MPP7: variants seen among roughly 807,000 people sequenced by gnomAD.
The protein encoded by MPP7 is MAGUK p55 subfamily member 7.
In MPP7, 60 loss-of-function variants were observed where a neutral mutation model predicts 76.5. The ratio of observed to expected loss-of-function variants is 0.78; its 90% CI spans 0.64 to 0.97. MPP7 has a LOEUF of 0.97. MPP7 is among the 50% of genes least tolerant of loss of function. MPP7 has a pLI of 0.00. For missense variants in MPP7, 641 were observed against 694.0 expected, an observed-to-expected ratio of 0.92 and a Z score of 0.86; for synonymous variants, 237 against 244.5, an observed-to-expected ratio of 0.97 and a Z score of 0.29.
intron 1 of MPP7, among the ~76,000 whole-genome samples, chr10:28,251,333 A>C (rs1260399591): frequency 6.6e-6 from 1 of 151,984 alleles, no homozygotes; most frequent in Non-Finnish European, 1.5e-5. Flanking sequence ...GGTGTGGTAC[A>C]TGCCTGTAGT....
intron 8 of MPP7, among the ~76,000 whole-genome samples, chr10:28,121,935 T>C (rs1460970423): frequency 6.6e-6 from 1 of 152,168 alleles, no homozygotes; most frequent in Non-Finnish European, 1.5e-5. Flanking sequence ...AAATGGTGCA[T>C]CACACAGTCA....
intron 1 of MPP7, among the ~76,000 whole-genome samples, chr10:28,239,006 G>A (rs775298463): frequency 6.6e-6 from 1 of 152,172 alleles, no homozygotes; most frequent in Non-Finnish European, 1.5e-5. Flanking sequence ...GATTGGATAC[G>A]TGGATAATTT....
chr10:28,191,342 G>A lies in MPP7; in HGVS notation c.156+10811C>T, dbSNP rs535209816. Among the ~76,000 whole-genome samples the A allele has an allele frequency of 4.6e-5, 7 of 152,184 alleles. No individual in the cohort carries two copies. The South Asian group carries it at 1.5e-3, about 32-fold the overall frequency. ...ACCAGATAAAGACATGACAAGGAAG[G>A]AGAATTACAGCCTAACCGTACTTAC... On this transcript the variant is annotated intron_variant, in intron 3 of 16. Coordinates refer to ENST00000683449, the MANE Select transcript of MPP7 (RefSeq NM_001318170.2).
In MPP7 at chr10:28,300,905, G is replaced by A. The variant is rs1841139417; in HGVS notation, c.-132+1956C>T. Among the ~76,000 whole-genome samples the A allele has an allele frequency of 2.0e-5, 3 of 150,152 alleles. No homozygotes were observed. The South Asian group carries it at 6.3e-4, about 31-fold the overall frequency. ...ACCAGGGAGGCAGAGATCACAGTGA[G>A]CCACAGCACTCCAGCCTGGACAACA... On this transcript the variant is annotated intron_variant, in intron 1 of 16. Transcript: ENST00000683449.
At chr10:28,240,133 C>A (rs570846339) in intron 1 of MPP7, among the ~76,000 whole-genome samples, 1 of 152,220 alleles carries the variant, frequency 6.6e-6, no homozygotes, top group East Asian at 1.9e-4. Flanking sequence ...AAGAACCATA[C>A]ACTGTGTTTT....
In MPP7 at chr10:28,081,365, A is replaced by G. The variant is rs771927550; in HGVS notation, c.1123+8306T>C. ...TTCAAAAAGTTGGGTTTCACTGAAG[A>G]TAAGACTTGTCATGTAGGAAAATGT... is the stretch of plus-strand genomic sequence containing the variant. On this transcript the variant is annotated intron_variant, in intron 12 of 16. Transcript: ENST00000683449. 2.6e-5 allele frequency among the ~76,000 whole-genome samples: 4 copies of G among 152,220 alleles called. No homozygotes were observed. The South Asian group carries it at 8.3e-4, about 32-fold the overall frequency.
At chr10:28,077,555 T>C (rs1852554514) in intron 12 of MPP7, among the ~76,000 whole-genome samples, 1 of 152,182 alleles carries the variant, frequency 6.6e-6, no homozygotes, top group African/African-American at 2.4e-5. Context: ...ATCCTCTTTC[T>C]AGGGTTAGGC....
intron 3 of MPP7, among the ~76,000 whole-genome samples, chr10:28,198,540 A>G (rs1308087623): frequency 6.6e-6 from 1 of 150,780 alleles, no homozygotes; most frequent in African/African-American, 2.4e-5. Flanking sequence ...GCACCATTAC[A>G]CTCCAGCCTG....
At chr10:28,265,796 T>C (rs1448638650) in intron 1 of MPP7, among the ~76,000 whole-genome samples, 2 of 152,158 alleles carry the variant, frequency 1.3e-5, no homozygotes, top group Admixed American at 6.5e-5. Context: ...GCAGAGTAAG[T>C]GCAGAGGAAA....
At position 28,167,240 on chromosome 10, in the gene MPP7, G is replaced by A. The variant is rs549089185; in HGVS notation, c.157-17181C>T. Among the ~76,000 whole-genome samples, 256 of 152,176 alleles carry A rather than the reference G, an allele frequency of 1.7e-3. 1 individual carries two copies. The highest frequency in any genetic ancestry group is 5.9e-3 in the African/African-American group (243 of 41,536). On this transcript the variant is annotated intron_variant, in intron 3 of 16. Coordinates refer to ENST00000683449, the MANE Select transcript of MPP7 (RefSeq NM_001318170.2). ...GCACAAGAATCACTTGAACCCAGGA[G>A]GTGGAGGTTGCAGTGAGCCGAGACG...
intron 3 of MPP7, among the ~76,000 whole-genome samples, chr10:28,177,947 G>A (rs1836931217): frequency 6.6e-6 from 1 of 152,110 alleles, no homozygotes; most frequent in Non-Finnish European, 1.5e-5. Flanking sequence ...GGCCCAGGCA[G>A]CAGATTCCAG....
intron 13 of MPP7, among the ~76,000 whole-genome samples, chr10:28,062,298 A>G (rs750661381): frequency 2.0e-5 from 3 of 152,170 alleles, no homozygotes; most frequent in Admixed American, 6.5e-5. Flanking sequence ...TTAAACTGCA[A>G]GCAGGTCATG....
chr10:28,166,131 T>C (rs1836448205), intron 3 of MPP7, among the ~76,000 whole-genome samples: 2 of 151,556 alleles, frequency 1.3e-5, no homozygotes, highest in South Asian at 2.1e-4. Context: ...CTTAACTACA[T>C]AACATCCTTA....
chr10:28,252,949 C>A (rs11006951), intron 1 of MPP7, among the ~76,000 whole-genome samples: 12,859 of 151,852 alleles, frequency 0.085, 694 homozygotes, highest in Non-Finnish European at 0.12. Context: ...ACTGTGTCAC[C>A]CAGGCTGGCA....
At chr10:28,240,450 C>T (rs913141600) in intron 1 of MPP7, among the ~76,000 whole-genome samples, 16 of 152,068 alleles carry the variant, frequency 1.1e-4, no homozygotes, top group Admixed American at 9.2e-4. Context: ...TTATTTTAGA[C>T]CAGACTATCT....
intron 2 of MPP7, among the ~76,000 whole-genome samples, chr10:28,233,386 T>C (rs2134119501): frequency 6.6e-6 from 1 of 152,272 alleles, no homozygotes; most frequent in South Asian, 2.1e-4. Flanking sequence ...TACACTTCTT[T>C]GCTTTGTCAG....
At chr10:28,276,529 C>G (rs1282790507) in intron 1 of MPP7, among the ~76,000 whole-genome samples, 1 of 151,968 alleles carries the variant, frequency 6.6e-6, no homozygotes, top group Non-Finnish European at 1.5e-5. Context: ...TAAAGACAAA[C>G]AGAACACTAT....
intron 2 of MPP7, among the ~76,000 whole-genome samples, chr10:28,214,837 T>C (rs893982852): frequency 1.3e-5 from 2 of 152,082 alleles, no homozygotes; most frequent in Non-Finnish European, 2.9e-5. Flanking sequence ...ACTAACAAAT[T>C]AGCTACAAGA....
intron 11 of MPP7, among the ~76,000 whole-genome samples, chr10:28,108,681 A>T (rs1302460055): frequency 3.6e-5 from 5 of 137,466 alleles, no homozygotes; most frequent in Non-Finnish European, 6.0e-5. Flanking sequence ...AATAAAATAA[A>T]ATAATATAAA....
Sources: allele counts gnomAD v4.1 joint callset (sites outside exome capture counted in the v4.1 genomes callset), GRCh38; gene constraint gnomAD v4.1.1; transcripts MANE v1.5; gene names NCBI Gene and HGNC (gene_info 2026-07-23, HGNC 2026-07-21).